ARHGAP9: variants seen among roughly 807,000 people sequenced by gnomAD.
ARHGAP9 encodes Rho GTPase activating protein 9.
A neutral mutation model predicts 87.3 loss-of-function variants in ARHGAP9; 76 were observed. The observed-to-expected ratio is 0.87, with a 90% confidence interval of 0.72 to 1.05. The LOEUF (loss-of-function observed/expected upper bound fraction) is 1.05. ARHGAP9 is among the 50% of genes least tolerant of loss of function. The pLI is 0.00. For synonymous variants in ARHGAP9, 382 were observed against 394.9 expected (o/e 0.97, Z 0.39); for missense variants, 941 against 960.5 (o/e 0.98, Z 0.27).
At chr12:57,475,748 A>C (rs754693921) in intron 10 of ARHGAP9, 85 bp downstream of exon 10, 4 of 200,784 alleles carry the variant, frequency 2.0e-5, no homozygotes, top group South Asian at 2.0e-4. Flanking sequence ...CCCTGCCCCC[A>C]ACTGCTCCTG....
chr12:57,473,387 T>G (rs1872494376), intron 17 of ARHGAP9, among the ~76,000 whole-genome samples: 1 of 152,164 alleles, frequency 6.6e-6, no homozygotes, highest in African/African-American at 2.4e-5. Context: ...CACTCCAGTC[T>G]GGGTGACAGA....
At chr12:57,476,268 CT>C (rs989382507) in intron 8 of ARHGAP9, 95 bp downstream of exon 8, 4 of 1,517,008 alleles carry the variant, frequency 2.6e-6, no homozygotes, top group Non-Finnish European at 3.6e-6. Context: ...CACTTCTTTA[CT>C]TTCCTCTGCA....
At chr12:57,480,533 C>T (rs757554156), upstream of ARHGAP9, among the ~76,000 whole-genome samples, 8 of 152,090 alleles carry the variant, frequency 5.3e-5, no homozygotes, top group Non-Finnish European at 8.8e-5. Context: ...GTGCAAGGAG[C>T]AGTGTCAGGC....
At chr12:57,475,085 G>T in intron 12 of ARHGAP9, 112 bp from the exon 13 acceptor site, 1 of 1,251,254 alleles carries the variant, frequency 8.0e-7, no homozygotes, top group Non-Finnish European at 1.1e-6. Context: ...GCCTGTGCCA[G>T]GCCTGGGCAA....
intron 1 of ARHGAP9, 88 bp downstream of exon 1, chr12:57,479,642 G>A (rs1265401450): frequency 1.3e-6 from 2 of 1,549,108 alleles, no homozygotes; most frequent in East Asian, 2.4e-5. Flanking sequence ...TAAGTAACAT[G>A]AGAGAGGATG....
At chr12:57,473,540 T>C in intron 17 of ARHGAP9, 63 bp downstream of exon 17, 1 of 1,463,232 alleles carries the variant, frequency 6.8e-7, no homozygotes, top group Non-Finnish European at 9.6e-7. Flanking sequence ...CTGCACAGAG[T>C]CCCTGTGGCA....
In ARHGAP9 at chr12:57,475,589, A is replaced by T; in HGVS notation, c.1338T>A (p.Arg446=). The part of the protein sequence containing the change: ...RLDRENPLEL[R]LSGSGPAELS... ...GCTCCGCGGGTCCAGAGCCCGACAG[A>T]CGCAGCTCCAGGGGGTTCTCCCGAT... The change falls in exon 11 of 18, where the codon CGT becomes CGA. Residue 446 remains arginine, a synonymous_variant. Coordinates refer to ENST00000393791, the MANE Select transcript of ARHGAP9 (RefSeq NM_032496.4). The T allele has an allele frequency of 6.2e-7, 1 of 1,612,416 alleles. No individual in the cohort carries two copies.
intron 5 of ARHGAP9, 58 bp downstream of exon 5, chr12:57,477,098 G>A (rs775202265): frequency 1.0e-5 from 16 of 1,583,542 alleles, no homozygotes; most frequent in African/African-American, 1.3e-5. Flanking sequence ...ACACAAAACA[G>A]AAAGTCATAA....
At chr12:57,478,057 G>A (rs1014220970) in intron 3 of ARHGAP9, 19 of 831,092 alleles carry the variant, frequency 2.3e-5, no homozygotes, top group Non-Finnish European at 2.8e-5. Flanking sequence ...GGGAAGAGGA[G>A]CCCCTTTCCA....
At chr12:57,484,282 G>A (rs1269780949), upstream of ARHGAP9, among the ~76,000 whole-genome samples, 1 of 151,236 alleles carries the variant, frequency 6.6e-6, no homozygotes, top group Non-Finnish European at 1.5e-5. Flanking sequence ...AACCCGGGAG[G>A]TGGAGGTTGC....
At chr12:57,487,070 G>C (rs1379322454) in intron 1 of ARHGAP9, among the ~76,000 whole-genome samples, 1 of 151,508 alleles carries the variant, frequency 6.6e-6, no homozygotes, top group Non-Finnish European at 1.5e-5. Context: ...TCCGCTTCCC[G>C]GGTTCAGGCG....
At chr12:57,479,488 G>T in intron 1 of ARHGAP9, 64 bp from the exon 2 acceptor site, 1 of 1,540,376 alleles carries the variant, frequency 6.5e-7, no homozygotes, top group Non-Finnish European at 8.7e-7. Flanking sequence ...CAGGTAGACA[G>T]ACATGGTTCT....
chr12:57,478,286 C>T, intron 3 of ARHGAP9: 1 of 490,922 alleles, frequency 2.0e-6, no homozygotes, highest in Non-Finnish European at 3.7e-6. Flanking sequence ...ACCTCCTACC[C>T]AGTTTGCCTC....
rs374549876 is a variant in ARHGAP9 at position 57,474,495 on chromosome 12, G to C, written c.1730-19C>G. 4 of 1,614,010 alleles carry C rather than the reference G, an allele frequency of 2.5e-6. No homozygotes were observed. The African/African-American group carries it at 5.3e-5, about 22-fold the overall frequency. On this transcript the variant is annotated intron_variant, in intron 14 of 17. Coordinates refer to ENST00000393791, the MANE Select transcript of ARHGAP9 (RefSeq NM_032496.4). The stretch of plus-strand genomic sequence containing the variant: ...GCACGCTCTGCAACATGAATGAGGA[G>C]AGATCAGGAGCTAAGACATACACTT...
chr12:57,477,710 T>G, intron 3 of ARHGAP9, 30 bp from the exon 4 acceptor site: 1 of 1,606,926 alleles, frequency 6.2e-7, no homozygotes, highest in Non-Finnish European at 8.5e-7. Context: ...AAGGAGGTGG[T>G]CATTCTGCCT....
chr12:57,483,932 T>G, upstream of ARHGAP9: 1 of 452,578 alleles, frequency 2.2e-6, no homozygotes, highest in South Asian at 1.6e-5. Flanking sequence ...TCCCAGCTAC[T>G]TGGGAGCCTG....
chr12:57,488,376 C>T (rs1437105409), intron 1 of ARHGAP9: 2 of 723,632 alleles, frequency 2.8e-6, no homozygotes, highest in Non-Finnish European at 4.5e-6. Flanking sequence ...CTTTCACTTC[C>T]TTTAATTACC....
At chr12:57,488,387 C>A in intron 1 of ARHGAP9, 1 of 722,278 alleles carries the variant, frequency 1.4e-6, no homozygotes. Flanking sequence ...TTTAATTACC[C>A]TCAATATAAT....
At chr12:57,480,880 C>T (rs563564086), upstream of ARHGAP9, 6 of 1,520,662 alleles carry the variant, frequency 3.9e-6, no homozygotes, top group Admixed American at 1.2e-4. Flanking sequence ...TGACCCTCCC[C>T]ACTGGTGATA....
Sources: allele counts gnomAD v4.1 joint callset (sites outside exome capture counted in the v4.1 genomes callset), GRCh38; gene constraint gnomAD v4.1.1; transcripts MANE v1.5; gene names NCBI Gene and HGNC (gene_info 2026-07-23, HGNC 2026-07-21).